Variants in APBA2 observed in about 807,000 individuals in gnomAD.
APBA2 encodes the protein amyloid-beta A4 precursor protein-binding family A member 2.
A neutral mutation model predicts 75.0 loss-of-function variants in APBA2; 30 were observed. The ratio of observed to expected loss-of-function variants is 0.40; its 90% confidence interval spans 0.30 to 0.54. The LOEUF is 0.54. APBA2 is among the 20% of genes least tolerant of loss of function. The pLI is 0.49. For synonymous variants in APBA2, 444 were observed against 409.6 expected (o/e 1.08, Z -1.01); for missense variants, 801 against 1,016.1 (o/e 0.79, Z 2.88).
chr15:28,988,331 T>G (rs1389944108), intron 2 of APBA2, among the ~76,000 whole-genome samples: 1 of 151,700 alleles, frequency 6.6e-6, no homozygotes. Flanking sequence ...TGGCGTGATC[T>G]CGGCTCACGG....
chr15:29,084,848 T>C (rs1006772746), intron 6 of APBA2, among the ~76,000 whole-genome samples: 2 of 152,246 alleles, frequency 1.3e-5, no homozygotes, highest in African/African-American at 4.8e-5. Flanking sequence ...GATTGCATCT[T>C]CATGGTGTTG....
chr15:29,011,395 G>T (rs2039397326), intron 3 of APBA2, among the ~76,000 whole-genome samples: 1 of 152,080 alleles, frequency 6.6e-6, no homozygotes, highest in Admixed American at 6.5e-5. Flanking sequence ...TGAAATGTGG[G>T]TTATTTTAAA....
chr15:28,941,609 G>T (rs993556748), intron 2 of APBA2, among the ~76,000 whole-genome samples: 3 of 152,076 alleles, frequency 2.0e-5, no homozygotes, highest in Non-Finnish European at 4.4e-5. Flanking sequence ...CATGGAGCAG[G>T]GTGGGGCTAT....
Position 28,934,670 on chromosome 15 carries a change from A to G in APBA2, c.-95+12921A>G, listed in dbSNP as rs935245069. ...CTCAGGGCAGTCACTTGTCATTCTCAGTATTTTATCCCCTGGGGCCTCCTC... is the reference window on the plus strand; with the variant it reads ...CTCAGGGCAGTCACTTGTCATTCTCGGTATTTTATCCCCTGGGGCCTCCTC... On this transcript the variant is annotated intron_variant, in intron 2 of 14. Transcript: ENST00000683413. 2.0e-5 allele frequency among the ~76,000 whole-genome samples: 3 copies of G among 152,000 alleles called. No individual in the cohort carries two copies. In the South Asian group the frequency reaches 6.2e-4, roughly 32 times the overall value.
At chr15:29,021,447 G>A (rs2039951350) in intron 3 of APBA2, among the ~76,000 whole-genome samples, 1 of 152,120 alleles carries the variant, frequency 6.6e-6, no homozygotes, top group Non-Finnish European at 1.5e-5. Context: ...AGAATCACTT[G>A]AACCCAGGAG....
At chr15:29,005,211 T>C (rs973605757) in intron 3 of APBA2, among the ~76,000 whole-genome samples, 1 of 152,200 alleles carries the variant, frequency 6.6e-6, no homozygotes, top group Non-Finnish European at 1.5e-5. Flanking sequence ...GCAGACTGCT[T>C]GATCTCTCTA....
At chr15:29,031,064 G>GC (rs2040464424) in intron 3 of APBA2, among the ~76,000 whole-genome samples, 2 of 151,756 alleles carry the variant, frequency 1.3e-5, no homozygotes, top group Admixed American at 1.3e-4. Flanking sequence ...GATTAATATT[G>GC]CCATATGAGC....
intron 3 of APBA2, among the ~76,000 whole-genome samples, chr15:29,041,468 G>C (rs1046559061): frequency 7.0e-6 from 1 of 142,288 alleles, no homozygotes; most frequent in African/African-American, 2.7e-5. Flanking sequence ...GGGTGACAGA[G>C]CAAGACCCTG....
chr15:28,894,953 TG>T (rs1366888004), intron 1 of APBA2, among the ~76,000 whole-genome samples: 3 of 151,850 alleles, frequency 2.0e-5, no homozygotes, highest in African/African-American at 7.3e-5. Context: ...CCTGCGTCAT[TG>T]GGGGGCTCCA....
chr15:28,983,887 T>C (rs1163689396), intron 2 of APBA2, among the ~76,000 whole-genome samples: 2 of 152,222 alleles, frequency 1.3e-5, no homozygotes, highest in Non-Finnish European at 2.9e-5. Context: ...CAGGCCACTC[T>C]GTGGTCCCCA....
Position 28,903,640 on chromosome 15 carries a change from G to A in APBA2, c.-205+17362G>A, listed in dbSNP as rs145495864. On this transcript the variant is annotated intron_variant, in intron 1 of 14. Transcript: ENST00000683413. ...TTGTGGAGTCAGCAGGGACAGCTGC[G>A]GTTTAGTGGAGAGTCAGAGGGGCCT... is the stretch of plus-strand genomic sequence containing the variant. Among the ~76,000 whole-genome samples the A allele has an allele frequency of 1.3e-3, 198 of 152,340 alleles. 3 individuals carry two copies. Among genetic ancestry groups the A allele is most frequent in the African/African-American group, 3.8e-3 (160 of 41,590 alleles).
At chr15:28,930,319 A>C (rs1281342045) in intron 2 of APBA2, among the ~76,000 whole-genome samples, 3 of 152,130 alleles carry the variant, frequency 2.0e-5, no homozygotes, top group Non-Finnish European at 4.4e-5. Context: ...GGAGCAGGAT[A>C]GACATGAGCA....
At chr15:28,890,705 T>G (rs1253699790) in intron 1 of APBA2, among the ~76,000 whole-genome samples, 3 of 152,208 alleles carry the variant, frequency 2.0e-5, no homozygotes, top group Non-Finnish European at 2.9e-5. Flanking sequence ...TCACCTGGCT[T>G]GAGAGTCTTT....
intron 2 of APBA2, among the ~76,000 whole-genome samples, chr15:28,929,481 A>G (rs2152685595): frequency 6.6e-6 from 1 of 152,262 alleles, no homozygotes; most frequent in Admixed American, 6.5e-5. Context: ...AGGGTGTAGC[A>G]CTTCCCGCCT....
chr15:29,024,308 TATC>T (rs540267732), intron 3 of APBA2, among the ~76,000 whole-genome samples: 4 of 152,220 alleles, frequency 2.6e-5, no homozygotes, highest in Non-Finnish European at 4.4e-5. Context: ...ACGAGACCAT[TATC>T]ATAGTAACAG....
rs72448868 is a variant in APBA2 at position 28,984,912 on chromosome 15, GCTCTCTCT to G, written c.-94-10823_-94-10816del. 1.8e-3 allele frequency among the ~76,000 whole-genome samples: 250 copies of G among 139,606 alleles called. 1 individual carries two copies. Among genetic ancestry groups the G allele is most frequent in the African/African-American group, 6.8e-3 (243 of 35,632 alleles). 91.6% of individuals were successfully genotyped at this position (139,606 alleles called of 152,430 possible). A position where few individuals can be genotyped will look rare whatever the true frequency, so the allele number is the denominator to read the frequency against. On this transcript the variant is annotated intron_variant, in intron 2 of 14. Transcript: ENST00000683413. ...CCATCTCTGGGGGTTGGGGGGAGCTGCTCTCTCTCTCTCTCTCTCTCTCTCCCTCTCTC... is the reference window on the plus strand; with the variant it reads ...CCATCTCTGGGGGTTGGGGGGAGCTGCTCTCTCTCTCTCTCTCCCTCTCTC...
At chr15:29,026,838 G>A (rs901179857) in intron 3 of APBA2, among the ~76,000 whole-genome samples, 6 of 152,146 alleles carry the variant, frequency 3.9e-5, no homozygotes, top group African/African-American at 1.4e-4. Flanking sequence ...GGAGAATGGT[G>A]TGAAGCCAGG....
At chr15:28,935,759 C>T (rs925372268) in intron 2 of APBA2, among the ~76,000 whole-genome samples, 1 of 152,180 alleles carries the variant, frequency 6.6e-6, no homozygotes, top group Non-Finnish European at 1.5e-5. Context: ...GGGCAAGGGC[C>T]AGTGAGTTTG....
chr15:28,949,399 G>A (rs998867580), intron 2 of APBA2, among the ~76,000 whole-genome samples: 3 of 152,166 alleles, frequency 2.0e-5, no homozygotes, highest in Non-Finnish European at 2.9e-5. Context: ...GGATGGATGC[G>A]TTAACCAGCC....
Sources: allele counts gnomAD v4.1 joint callset (sites outside exome capture counted in the v4.1 genomes callset), GRCh38; gene constraint gnomAD v4.1.1; transcripts MANE v1.5; gene names NCBI Gene and HGNC (gene_info 2026-07-23, HGNC 2026-07-21).